Variants in ARIH1 observed in about 807,000 individuals in gnomAD.
The protein encoded by ARIH1 is ariadne RBR E3 ubiquitin protein ligase 1.
A neutral mutation model predicts 85.0 loss-of-function variants in ARIH1; 8 were observed. The ratio of observed to expected loss-of-function variants is 0.09; its 90% CI spans 0.06 to 0.17. The LOEUF (loss-of-function observed/expected upper bound fraction) is 0.17. Among genes scored for constraint, ARIH1 ranks in the 10% least tolerant of loss-of-function variants. ARIH1 has a pLI of 1.00. For synonymous variants in ARIH1, 238 were observed against 253.6 expected (o/e 0.94, Z 0.59); for missense variants, 311 against 718.1 (o/e 0.43, Z 6.48).
At chr15:72,565,735 TTTC>T (rs935257774) in intron 7 of ARIH1, among the ~76,000 whole-genome samples, 2 of 152,202 alleles carry the variant, frequency 1.3e-5, no homozygotes, top group African/African-American at 4.8e-5. Context: ...GTATTTTGTT[TTTC>T]TTCATTAAGA....
intron 1 of ARIH1, among the ~76,000 whole-genome samples, chr15:72,510,781 C>CGGGAA (rs2063947646): frequency 7.2e-6 from 1 of 138,142 alleles, no homozygotes; most frequent in African/African-American, 2.7e-5. Context: ...GACTTTTTCC[C>CGGGAA]CGTTGAATTG....
In ARIH1 at chr15:72,586,048, A is replaced by T. The variant is rs1257867225; in HGVS notation, c.*2756A>T. On this transcript the variant is annotated 3_prime_UTR_variant, in exon 14 of 14. Coordinates refer to ENST00000379887, the MANE Select transcript of ARIH1 (RefSeq NM_005744.5). ...TTCAGTGATTTAAAATAAAATTTTG[A>T]TCCAAAGCTCAGGACACAAACCACA... 6.6e-6 allele frequency: 1 copy of T among 152,218 alleles called. No individual in the cohort carries two copies. Among genetic ancestry groups the T allele is most frequent in the African/African-American group, 2.4e-5 (1 of 41,462 alleles). The allele number at this position is 152,218 out of a possible 1,614,324, so 9.4% of individuals were successfully genotyped here.
intron 11 of ARIH1, 36 bp downstream of exon 11, chr15:72,572,201 G>C (rs367703650): frequency 1.7e-4 from 239 of 1,386,754 alleles, no homozygotes; most frequent in Non-Finnish European, 2.2e-4. Flanking sequence ...AGTTGACTAA[G>C]AATGCACGTT....
chr15:72,486,405 T>C lies in ARIH1; in HGVS notation c.375+11391T>C, dbSNP rs577721536. ...CCTGCTACTGGCCTCGGCTGGTCAC[T>C]TCACTGTTACCAGATTGAAAAAACA... On this transcript the variant is annotated intron_variant, in intron 1 of 13. Transcript: ENST00000379887. Among the ~76,000 whole-genome samples the C allele has an allele frequency of 3.3e-5, 5 of 152,284 alleles. No homozygotes were observed. In the South Asian group the frequency reaches 6.2e-4, roughly 19 times the overall value.
intron 5 of ARIH1, among the ~76,000 whole-genome samples, chr15:72,557,442 A>G (rs1275377428): frequency 4.6e-5 from 7 of 152,170 alleles, no homozygotes; most frequent in East Asian, 1.9e-4. Flanking sequence ...TAGATTCTGG[A>G]TATGAGGCTT....
Position 72,589,394 on chromosome 15 carries a change from A to G in ARIH1, c.*6102A>G, listed in dbSNP as rs2064331355. ...GTGCTAACTTGGGCAAAAGATAAGG[A>G]TACAGAGCTGTCTCAGAGACTCCCA... On this transcript the variant is annotated 3_prime_UTR_variant, in exon 14 of 14. Transcript: ENST00000379887. 6.6e-6 allele frequency: 1 copy of G among 152,244 alleles called. No homozygotes were observed. The highest frequency in any genetic ancestry group is 2.1e-4 in the South Asian group (1 of 4,834). The allele number at this position is 152,244 out of a possible 1,614,324, so 9.4% of individuals were successfully genotyped here. A position where few individuals can be genotyped will look rare whatever the true frequency, so the allele number is the denominator to read the frequency against.
chr15:72,494,537 G>GAC (rs2063872108), intron 1 of ARIH1, among the ~76,000 whole-genome samples: 1 of 152,174 alleles, frequency 6.6e-6, no homozygotes, highest in Admixed American at 6.5e-5. Context: ...GCTGGGGCTA[G>GAC]ACAGGCAGTG....
At chr15:72,493,248 C>G (rs2063866497) in intron 1 of ARIH1, among the ~76,000 whole-genome samples, 1 of 152,052 alleles carries the variant, frequency 6.6e-6, no homozygotes, top group African/African-American at 2.4e-5. Flanking sequence ...GTGCAATAAC[C>G]TAATCCAGAC....
intron 3 of ARIH1, among the ~76,000 whole-genome samples, chr15:72,554,572 A>G (rs190675515): frequency 2.0e-5 from 3 of 152,182 alleles, no homozygotes; most frequent in Non-Finnish European, 4.4e-5. Flanking sequence ...TTTTTTGTGG[A>G]GACAGAGTCT....
At chr15:72,556,009 T>G in intron 5 of ARIH1, 102 bp downstream of exon 5, 1 of 1,036,124 alleles carries the variant, frequency 9.7e-7, no homozygotes, top group Non-Finnish European at 1.4e-6. Context: ...TTTTAAAGTC[T>G]GAAGAAACTT....
At chr15:72,491,991 C>G (rs1299856948) in intron 1 of ARIH1, among the ~76,000 whole-genome samples, 1 of 152,164 alleles carries the variant, frequency 6.6e-6, no homozygotes, top group East Asian at 1.9e-4. Flanking sequence ...TCAATGGGCT[C>G]TGACTTGTGA....
chr15:72,484,593 T>C (rs1182419380), intron 1 of ARIH1, among the ~76,000 whole-genome samples: 1 of 151,952 alleles, frequency 6.6e-6, no homozygotes, highest in Admixed American at 6.6e-5. Flanking sequence ...GCAAATGCCA[T>C]TAACTCATTC....
chr15:72,526,876 TA>T (rs1325782005), intron 2 of ARIH1, among the ~76,000 whole-genome samples: 58 of 149,922 alleles, frequency 3.9e-4, no homozygotes, highest in African/African-American at 1.3e-3. Context: ...TTTTTTTTTT[TA>T]AATCTCTGCA....
chr15:72,505,792 G>A (rs1390865543), intron 1 of ARIH1, among the ~76,000 whole-genome samples: 1 of 152,124 alleles, frequency 6.6e-6, no homozygotes, highest in South Asian at 2.1e-4. Flanking sequence ...GTGGAGTGCA[G>A]TGGTGCGATC....
At chr15:72,574,015 T>C (rs1029083722) in intron 11 of ARIH1, among the ~76,000 whole-genome samples, 9 of 152,240 alleles carry the variant, frequency 5.9e-5, no homozygotes, top group African/African-American at 2.2e-4. Context: ...GAATGTATTA[T>C]GGATATATGT....
intron 2 of ARIH1, among the ~76,000 whole-genome samples, chr15:72,525,793 C>T (rs746024377): frequency 7.3e-4 from 111 of 151,482 alleles, no homozygotes; most frequent in African/African-American, 2.6e-3. Flanking sequence ...TGTTCCTCCA[C>T]ATTCTTTTTT....
At chr15:72,516,729 A>G (rs959467470) in intron 1 of ARIH1, among the ~76,000 whole-genome samples, 4 of 152,230 alleles carry the variant, frequency 2.6e-5, no homozygotes, top group Non-Finnish European at 4.4e-5. Flanking sequence ...TTCTGTAACA[A>G]ATGGTACTGT....
chr15:72,537,505 A>C (rs1442335382), intron 2 of ARIH1, among the ~76,000 whole-genome samples: 2 of 152,182 alleles, frequency 1.3e-5, no homozygotes, highest in African/African-American at 2.4e-5. Context: ...TTTATGACTT[A>C]TTATTCCGTA....
At chr15:72,551,689 A>T (rs1215556737) in intron 3 of ARIH1, among the ~76,000 whole-genome samples, 1 of 152,204 alleles carries the variant, frequency 6.6e-6, no homozygotes, top group East Asian at 1.9e-4. Context: ...GAGCTTCTGT[A>T]TGGCAACAAA....
Sources: allele counts gnomAD v4.1 joint callset (sites outside exome capture counted in the v4.1 genomes callset), GRCh38; gene constraint gnomAD v4.1.1; transcripts MANE v1.5; gene names NCBI Gene and HGNC (gene_info 2026-07-23, HGNC 2026-07-21).